SHC4: variants seen among roughly 807,000 people sequenced by gnomAD.
SHC4 encodes SHC-transforming protein 4.
SHC4 carries 41 observed loss-of-function variants against 69.4 expected under a neutral mutation model. The ratio of observed to expected loss-of-function variants is 0.59; its 90% CI spans 0.46 to 0.77. The LOEUF (loss-of-function observed/expected upper bound fraction) is 0.77, where lower values mean the gene tolerates loss of function less well. Ranked by LOEUF, SHC4 falls within the 30% of genes least tolerant of loss-of-function variation. The pLI, the probability that SHC4 is intolerant of heterozygous loss-of-function variation, is 0.00. For missense variants in SHC4, 777 were observed against 783.8 expected (o/e 0.99, Z 0.10); for synonymous variants, 318 against 299.3 (o/e 1.06, Z -0.64).
intron 1 of SHC4, among the ~76,000 whole-genome samples, chr15:48,948,258 A>C (rs1435398847): frequency 6.6e-6 from 1 of 152,240 alleles, no homozygotes. Context: ...GTTGTTGTCA[A>C]GTTTAGTAGA....
chr15:48,840,040 T>C (rs941091059), intron 10 of SHC4, among the ~76,000 whole-genome samples: 2 of 152,180 alleles, frequency 1.3e-5, no homozygotes, highest in African/African-American at 4.8e-5. Context: ...TAAAGAAATA[T>C]ATATGTGCTC....
chr15:48,929,987 G>A (rs1188045757), intron 1 of SHC4, among the ~76,000 whole-genome samples: 4 of 152,148 alleles, frequency 2.6e-5, no homozygotes, highest in Non-Finnish European at 4.4e-5. Context: ...TGTGTATCTT[G>A]GGCTTTGCTC....
chr15:48,921,331 G>GTT (rs35765153), intron 2 of SHC4, among the ~76,000 whole-genome samples: 415 of 140,330 alleles, frequency 3.0e-3, no homozygotes, highest in Admixed American at 7.3e-3. Context: ...GGAAGTTATC[G>GTT]TTTTTTTTTT....
chr15:48,848,001 TAAAA>T (rs571529935), intron 9 of SHC4, among the ~76,000 whole-genome samples: 2 of 99,840 alleles, frequency 2.0e-5, no homozygotes, highest in Non-Finnish European at 4.3e-5. Context: ...AAACTCCGTC[TAAAA>T]AAAAAAAAAA....
chr15:48,904,553 C>T (rs1330426879), intron 2 of SHC4, among the ~76,000 whole-genome samples: 1 of 152,114 alleles, frequency 6.6e-6, no homozygotes, highest in Non-Finnish European at 1.5e-5. Flanking sequence ...AAATGAGTAT[C>T]TTCATGAAAT....
intron 10 of SHC4, among the ~76,000 whole-genome samples, chr15:48,836,023 C>CAAAAAAAAAAAA (rs57343981): frequency 1.8e-4 from 11 of 60,094 alleles, no homozygotes; most frequent in East Asian, 1.6e-3. Context: ...ACAAAAAATC[C>CAAAAAAAAAAAA]AAAAAAAAAA....
At chr15:48,894,790 T>C (rs1047250993) in intron 2 of SHC4, among the ~76,000 whole-genome samples, 5 of 152,106 alleles carry the variant, frequency 3.3e-5, no homozygotes, top group Non-Finnish European at 4.4e-5. Context: ...TTATTTAATT[T>C]TTTTGCTTTT....
intron 9 of SHC4, among the ~76,000 whole-genome samples, chr15:48,844,611 G>T (rs1416399564): frequency 6.6e-6 from 1 of 152,148 alleles, no homozygotes; most frequent in Non-Finnish European, 1.5e-5. Context: ...CTAGCAGTTT[G>T]CACTTGACCT....
intron 10 of SHC4, among the ~76,000 whole-genome samples, chr15:48,838,511 T>C (rs1392160949): frequency 6.6e-6 from 1 of 152,194 alleles, no homozygotes; most frequent in Admixed American, 6.5e-5. Flanking sequence ...TTACACAAAG[T>C]ACCTGAACAT....
chr15:48,885,320 T>C (rs1304055057), intron 3 of SHC4, among the ~76,000 whole-genome samples: 2 of 149,722 alleles, frequency 1.3e-5, no homozygotes, highest in African/African-American at 5.0e-5. Flanking sequence ...ATTCCTTTTA[T>C]ATAAAATGTG....
rs1899209413 is a variant in SHC4 at position 48,851,229 on chromosome 15, C to T, written c.1262G>A (p.Ser421Asn). 1.2e-6 allele frequency: 2 copies of T among 1,613,986 alleles called. No individual in the cohort carries two copies. Among genetic ancestry groups the T allele is most frequent in the Admixed American group, 1.7e-5 (1 of 60,002 alleles). The change falls in exon 9 of 12, where the codon AGC (serine) becomes AAC (asparagine). Residue 421 changes from serine to asparagine, a missense_variant. Physicochemically the swap from Ser to Asn is conservative, Grantham distance 46 (BLOSUM62 1). Coordinates refer to ENST00000332408, the MANE Select transcript of SHC4 (RefSeq NM_203349.4). ...LCYLPGNSKC[S>N]SVYENCLEQS... ...TTCTAAACAGTTCTCATATACACTG[C>T]TGCACTTGGAGTTTCCAGGCTGCAT... is the stretch of plus-strand genomic sequence containing the variant.
chr15:48,831,579 T>C (rs1423641438), intron 11 of SHC4, among the ~76,000 whole-genome samples: 32 of 152,242 alleles, frequency 2.1e-4, no homozygotes, highest in Admixed American at 1.9e-3. Context: ...TTATACCATA[T>C]AGCCTAGGTG....
At chr15:48,828,512 T>G (rs80182807) in intron 11 of SHC4, among the ~76,000 whole-genome samples, 1 of 152,318 alleles carries the variant, frequency 6.6e-6, no homozygotes, top group African/African-American at 2.4e-5. Flanking sequence ...TTTGGATAAT[T>G]ACCCAGAAGT....
At chr15:48,931,272 G>C (rs887673913) in intron 1 of SHC4, among the ~76,000 whole-genome samples, 1 of 152,092 alleles carries the variant, frequency 6.6e-6, no homozygotes, top group Non-Finnish European at 1.5e-5. Flanking sequence ...TTCTACTCTA[G>C]TCTAATAAAA....
chr15:48,915,356 G>A (rs1900600114), intron 2 of SHC4, among the ~76,000 whole-genome samples: 1 of 152,080 alleles, frequency 6.6e-6, no homozygotes, highest in Non-Finnish European at 1.5e-5. Context: ...TTTTTTAAAT[G>A]ACTAGATCTT....
chr15:48,832,278 A>G (rs761862377), intron 11 of SHC4, among the ~76,000 whole-genome samples: 56 of 152,190 alleles, frequency 3.7e-4, no homozygotes, highest in Non-Finnish European at 5.3e-4. Context: ...GTCTCAAAAG[A>G]AGAAGAAGAA....
At position 48,856,117 on chromosome 15, in the gene SHC4, C is replaced by A; in HGVS notation, c.1078G>T (p.Val360Leu). The A allele has an allele frequency of 1.2e-6, 2 of 1,611,692 alleles. No individual in the cohort carries two copies. The highest frequency in any genetic ancestry group is 1.7e-6 in the Non-Finnish European group (2 of 1,178,854). The change falls in exon 8 of 12, where the codon GTG becomes TTG. Residue 360 changes from valine (V) to leucine (L), a missense_variant. By Grantham distance (32) the Val-to-Leu change is conservative. Transcript: ENST00000332408. ...SLNTSCESEE[V>L]HIDSHAEERE... is the part of the protein sequence containing the mutation. The stretch of plus-strand genomic sequence containing the variant: ...TCCTCGGCATGGCTATCAATATGCA[C>A]CTCCTCACTGTGAAGGAAAAAAGAA...
chr15:48,917,375 A>G (rs1247804345), intron 2 of SHC4, among the ~76,000 whole-genome samples: 1 of 152,036 alleles, frequency 6.6e-6, no homozygotes, highest in Non-Finnish European at 1.5e-5. Flanking sequence ...CATAAGGAAT[A>G]CATTTTTATA....
In SHC4 at chr15:48,962,823, GTGCC is replaced by G; in HGVS notation, c.189_192del (p.Ala64LeufsTer22). 2 of 1,612,678 alleles carry G rather than the reference GTGCC, an allele frequency of 1.2e-6. No individual in the cohort carries two copies. Among genetic ancestry groups the G allele is most frequent in the South Asian group, 2.2e-5 (2 of 91,056 alleles). ...GTGGCATCTTCAGTCGGCAGGTGAG[GTGCC>G]AGGGCGGGGTGGGGAGGCTGCGGCG... On this transcript the variant is annotated frameshift_variant, in exon 1 of 12. Coordinates refer to ENST00000332408, the MANE Select transcript of SHC4 (RefSeq NM_203349.4). LOFTEE classifies it high-confidence loss of function.
Sources: gnomAD v4.1 joint callset for allele counts (sites outside exome capture counted in the v4.1 genomes callset) on GRCh38, gnomAD v4.1.1 for gene constraint, MANE v1.5 for transcripts, NCBI Gene and HGNC (gene_info 2026-07-23, HGNC 2026-07-21) for gene names.